The following SHARPIN variants were observed in gnomAD, a reference collection of about 807,000 sequenced individuals.
SHARPIN encodes the protein hSIPL1.
SHARPIN carries 25 observed loss-of-function variants against 40.3 expected under a neutral mutation model. The observed-to-expected ratio is 0.62, with a 90% CI of 0.45 to 0.87. The LOEUF (loss-of-function observed/expected upper bound fraction) is 0.87, where lower values mean the gene tolerates loss of function less well. Among genes scored for constraint, SHARPIN ranks in the 40% least tolerant of loss-of-function variants. The pLI is 0.00. For missense variants in SHARPIN, 551 were observed against 516.1 expected (o/e 1.07, Z -0.66); for synonymous variants, 274 against 221.8 (o/e 1.24, Z -2.09).
In SHARPIN at chr8:144,103,151, T is replaced by G. The variant is rs1023929922; in HGVS notation, c.276A>C (p.Pro92=). 6.2e-6 allele frequency: 10 copies of G among 1,613,558 alleles called. No homozygotes were observed. The highest frequency in any genetic ancestry group is 8.5e-6 in the Non-Finnish European group (10 of 1,179,962). ...GGCTGAGGGTTCCAGGCCCTCCTGG[T>G]GGAGGCTGTAGCTCGTGCTGGGTGG... ...RGPTQHELQP[P]PGGPGTLSLH... The change falls in exon 2 of 9, where the codon CCA becomes CCC. Residue 92 remains proline (P), a synonymous_variant. Coordinates refer to ENST00000398712, the MANE Select transcript of SHARPIN (RefSeq NM_030974.4).
intron 2 of SHARPIN, chr8:144,102,822 G>A: frequency 1.6e-6 from 1 of 639,482 alleles, no homozygotes; most frequent in Non-Finnish European, 2.8e-6. Flanking sequence ...GAGGTTCCAG[G>A]GCTTCCTGGT....
chr8:144,099,220 C>T lies in SHARPIN; in HGVS notation c.923-15G>A. ...AGGTCCTGTGGCTGAGGGGGTGGAGCTCAGGACTGTGGGGCTGCACCCCAC... is the reference window on the plus strand; with the variant it reads ...AGGTCCTGTGGCTGAGGGGGTGGAGTTCAGGACTGTGGGGCTGCACCCCAC... On this transcript the variant is annotated splice_polypyrimidine_tract_variant and intron_variant, in intron 6 of 8. Coordinates refer to ENST00000398712, the MANE Select transcript of SHARPIN (RefSeq NM_030974.4). The T allele has an allele frequency of 6.2e-7, 1 of 1,611,220 alleles. No homozygotes were observed. The highest frequency in any genetic ancestry group is 8.5e-7 in the Non-Finnish European group (1 of 1,178,674).
Position 144,103,597 on chromosome 8 carries a change from G to A in SHARPIN, c.157C>T (p.Pro53Ser), listed in dbSNP as rs758734207. Reference sequence around the variant, plus strand: ...AGCAGCTCCAGCCGGAAGCGCCCAGGCCGCTCAGGGTCCGCGCTCAGCTGC... The same window carrying A: ...AGCAGCTCCAGCCGGAAGCGCCCAGACCGCTCAGGGTCCGCGCTCAGCTGC... ...RLQLSADPER[P>S]GRFRLELLGA... is the part of the protein sequence containing the mutation. Residue 53 changes from proline to serine, a missense_variant, in exon 1 of 9, where the codon CCT (proline) becomes TCT (serine). Pro to Ser is a moderately conservative substitution (Grantham distance 74, BLOSUM62 -1). Transcript: ENST00000398712. The A allele has an allele frequency of 6.5e-7, 1 of 1,531,114 alleles. No individual in the cohort carries two copies. The highest frequency in any genetic ancestry group is 2.0e-5 in the Admixed American group (1 of 50,918). The allele number at this position is 1,531,114 out of a possible 1,614,324, so 94.8% of individuals were successfully genotyped here. A position where few individuals can be genotyped will look rare whatever the true frequency, so the allele number is the denominator to read the frequency against.
intron 3 of SHARPIN, 36 bp from the exon 4 acceptor site, chr8:144,099,880 G>T: frequency 1.2e-6 from 2 of 1,610,766 alleles, no homozygotes; most frequent in Non-Finnish European, 1.7e-6. Flanking sequence ...TCACCACTGG[G>T]GACTATCTGC....
chr8:144,103,468 G>C (rs1225573953), intron 1 of SHARPIN, 85 bp downstream of exon 1: 33 of 1,369,646 alleles, frequency 2.4e-5, no homozygotes, highest in African/African-American at 7.2e-5. Context: ...AGGGCACCCA[G>C]GTGGCAAGCG....
rs1836237640 is a variant in SHARPIN, at chr8:144,099,374, G to T, written c.825C>A (p.Cys275Ter). 6.2e-7 allele frequency: 1 copy of T among 1,613,808 alleles called. No homozygotes were observed. The highest frequency in any genetic ancestry group is 2.2e-5 in the East Asian group (1 of 44,888). ...CAAGGCTGCGCTCAGGCACACACAG[G>T]CACCGTCCGATGACCCAGCGTTGCA... ...PAVQRWVIGR[C>*]LCVPERSLAS... The change falls in exon 6 of 9, where the codon TGC (cysteine) becomes TGA (stop). Residue 275 changes from cysteine (C) to a stop codon, truncating the protein, a stop_gained. Coordinates refer to ENST00000398712, the MANE Select transcript of SHARPIN (RefSeq NM_030974.4). LOFTEE classifies it high-confidence loss of function.
intron 1 of SHARPIN, 64 bp from the exon 2 acceptor site, chr8:144,103,289 A>C: frequency 6.6e-7 from 1 of 1,510,558 alleles, no homozygotes; most frequent in Non-Finnish European, 9.0e-7. Context: ...AGGAGCAAAG[A>C]AATACAAGGT....
Position 144,100,020 on chromosome 8 carries a change from G to A in SHARPIN, c.426C>T (p.Val142=), listed in dbSNP as rs1403550617. Residue 142 remains valine (V), a synonymous_variant, in exon 3 of 9, where the codon GTC becomes GTT. Coordinates refer to ENST00000398712, the MANE Select transcript of SHARPIN (RefSeq NM_030974.4). ...PPALGPEACP[V]SLPSPPEAST... is the part of the protein sequence containing the mutation. ...AGGCTTCCGGGGGACTGGGCAGGGA[G>A]ACAGGGCATGCTTCTGGGCCCAAGG... The A allele has an allele frequency of 3.1e-6, 5 of 1,600,720 alleles. No individual in the cohort carries two copies. The highest frequency in any genetic ancestry group is 2.2e-5 in the East Asian group (1 of 44,866).
intron 1 of SHARPIN, 114 bp downstream of exon 1, chr8:144,103,434 GAAGCA>G: frequency 8.4e-7 from 1 of 1,189,568 alleles, no homozygotes; most frequent in Non-Finnish European, 1.2e-6. Context: ...CGAGAAAACA[GAAGCA>G]AAGAAACATA....
chr8:144,103,700 G>T lies in SHARPIN; in HGVS notation c.54C>A (p.Ala18=). The T allele has an allele frequency of 6.8e-7, 1 of 1,479,528 alleles. No individual in the cohort carries two copies. Among genetic ancestry groups the T allele is most frequent in the Non-Finnish European group, 8.9e-7 (1 of 1,122,212 alleles). 91.7% of individuals were successfully genotyped at this position (1,479,528 alleles called of 1,614,324 possible). Residue 18 remains alanine, a synonymous_variant, in exon 1 of 9, where the codon GCC becomes GCA. Transcript: ENST00000398712. ...CGGCGTGCACAGCCAAGAGCACTGCGGCGGAGCCCAAGTCCGAGGCCGCCG... is the reference window on the plus strand; with the variant it reads ...CGGCGTGCACAGCCAAGAGCACTGCTGCGGAGCCCAAGTCCGAGGCCGCCG... The part of the protein sequence containing the change: ...AAAAASDLGS[A]AVLLAVHAAV...
At chr8:144,102,984 TC>T in intron 2 of SHARPIN, 66 bp downstream of exon 2, 4 of 1,592,134 alleles carry the variant, frequency 2.5e-6, no homozygotes, top group Non-Finnish European at 3.4e-6. Context: ...GGATCCAACT[TC>T]CCCAACCAGG....
rs753344440 is a variant in SHARPIN at position 144,099,546 on chromosome 8, G to A, written c.732C>T (p.Val244=). 2.0e-5 allele frequency: 32 copies of A among 1,613,930 alleles called. No individual in the cohort carries two copies. The highest frequency in any genetic ancestry group is 2.4e-5 in the Non-Finnish European group (28 of 1,180,002). ...AASSAHVALQ[V]HPHCTVAALQ... Reference sequence around the variant, plus strand: ...GAGCTGCAACAGTGCAGTGGGGGTGGACCTGCAGGGCAACGTGTGCAGAGG... The same window carrying A: ...GAGCTGCAACAGTGCAGTGGGGGTGAACCTGCAGGGCAACGTGTGCAGAGG... Residue 244 remains valine, a synonymous_variant, in exon 5 of 9, where the codon GTC becomes GTT. Coordinates refer to ENST00000398712, the MANE Select transcript of SHARPIN (RefSeq NM_030974.4).
rs762440714 is a variant in SHARPIN at position 144,099,815 on chromosome 8, T to C, written c.547A>G (p.Ile183Val). 1.3e-5 allele frequency: 21 copies of C among 1,612,606 alleles called. No homozygotes were observed. Among genetic ancestry groups the C allele is most frequent in the Middle Eastern group, 1.7e-4 (1 of 6,058 alleles). The stretch of plus-strand genomic sequence containing the variant: ...GCCCCCTTCTCGTCTCCACCTGCAA[T>C]AGCCCGGGCCAGGCTCCCTGCCAGC... ...EELAGSLARA[I>V]AGGDEKGAAQ... Residue 183 changes from isoleucine to valine, a missense_variant, in exon 4 of 9, where the codon ATT (isoleucine) becomes GTT (valine). Physicochemically the swap from Ile to Val is conservative, Grantham distance 29. Transcript: ENST00000398712.
At chr8:144,103,250 C>T (rs199637644) in intron 1 of SHARPIN, 25 bp from the exon 2 acceptor site, 708 of 1,575,512 alleles carry the variant, frequency 4.5e-4, no homozygotes, top group Non-Finnish European at 5.6e-4. Context: ...AGTCCAGGCT[C>T]AGGGCGTCCC....
rs781340614 is a variant in SHARPIN at position 144,103,613 on chromosome 8, G to A, written c.141C>T (p.Ser47=). Residue 47 remains serine (S), a synonymous_variant, in exon 1 of 9, where the codon AGC becomes AGT. Coordinates refer to ENST00000398712, the MANE Select transcript of SHARPIN (RefSeq NM_030974.4). ...AGCGCCCAGGCCGCTCAGGGTCCGC[G>A]CTCAGCTGCAGCCTCCGCAGCTGTG... ...AEAQLRRLQL[S]ADPERPGRFR... 126 of 1,530,038 alleles carry A rather than the reference G, an allele frequency of 8.2e-5. No homozygotes were observed. The highest frequency in any genetic ancestry group is 4.5e-4 in the Middle Eastern group (2 of 4,474). The allele number at this position is 1,530,038 out of a possible 1,614,324, so 94.8% of individuals were successfully genotyped here.
Position 144,098,750 on chromosome 8 carries a change from G to T in SHARPIN, c.*51C>A. 1 of 671,516 alleles carries T rather than the reference G, an allele frequency of 1.5e-6. No individual in the cohort carries two copies. Among genetic ancestry groups the T allele is most frequent in the Non-Finnish European group, 2.4e-6 (1 of 411,362 alleles). 41.6% of individuals were successfully genotyped at this position (671,516 alleles called of 1,614,324 possible). The stretch of plus-strand genomic sequence containing the variant: ...CGGAGTTCAGTGGGGGCCTGGAGAT[G>T]TCGGACTTGTGAGGGAAGGGCCACT... On this transcript the variant is annotated 3_prime_UTR_variant, in exon 9 of 9. Transcript: ENST00000398712.
At position 144,099,995 on chromosome 8, in the gene SHARPIN, A is replaced by C; in HGVS notation, c.451T>G (p.Ser151Ala). The change falls in exon 3 of 9, where the codon TCC becomes GCC. Residue 151 changes from serine to alanine, a missense_variant. Coordinates refer to ENST00000398712, the MANE Select transcript of SHARPIN (RefSeq NM_030974.4). ...PVSLPSPPEA[S>A]TLKGPPPEAD... ...TCAGGTGGAGGGCCCTTGAGTGTGGAGGCTTCCGGGGGACTGGGCAGGGAG... is the reference window on the plus strand; with the variant it reads ...TCAGGTGGAGGGCCCTTGAGTGTGGCGGCTTCCGGGGGACTGGGCAGGGAG... 1 of 1,595,840 alleles carries C rather than the reference A, an allele frequency of 6.3e-7. No homozygotes were observed.
chr8:144,102,158 A>G (rs1474129354), intron 2 of SHARPIN, among the ~76,000 whole-genome samples: 1 of 152,078 alleles, frequency 6.6e-6, no homozygotes, highest in African/African-American at 2.4e-5. Context: ...GTAGACCAGG[A>G]GTTCAAGGCT....
chr8:144,100,180 G>A, intron 2 of SHARPIN, 111 bp from the exon 3 acceptor site: 1 of 1,356,722 alleles, frequency 7.4e-7, no homozygotes, highest in East Asian at 2.5e-5. Flanking sequence ...CCAGGGCCCT[G>A]CCTCAGGCCA....
Sources: allele counts gnomAD v4.1 joint callset (sites outside exome capture counted in the v4.1 genomes callset), GRCh38; gene constraint gnomAD v4.1.1; transcripts MANE v1.5; gene names NCBI Gene and HGNC (gene_info 2026-07-23, HGNC 2026-07-21).